The following FARS2 variants were observed in gnomAD, a reference collection of about 807,000 sequenced individuals.
The protein encoded by FARS2 is phenylalanyl-tRNA synthetase 2, mitochondrial.
In FARS2, 40 loss-of-function variants were observed where a neutral mutation model predicts 46.4. The observed-to-expected ratio is 0.86, with a 90% CI of 0.67 to 1.12. The LOEUF (loss-of-function observed/expected upper bound fraction) is 1.12, where lower values mean the gene tolerates loss of function less well. FARS2 is among the 50% of genes most tolerant of loss of function. The probability of loss-of-function intolerance (pLI) is 0.00; values close to 1 mark genes in which losing one functional copy is unlikely to be tolerated. For synonymous variants in FARS2, 234 were observed against 214.9 expected (o/e 1.09, Z -0.78); for missense variants, 513 against 567.9 (o/e 0.90, Z 0.98).
intron 6 of FARS2, among the ~76,000 whole-genome samples, chr6:5,750,174 A>C (rs1430990174): frequency 2.0e-5 from 3 of 152,148 alleles, no homozygotes; most frequent in African/African-American, 7.2e-5. Context: ...TGCCAGGGGA[A>C]TACCTAGAAG....
At chr6:5,427,732 T>C (rs1762930936) in intron 3 of FARS2, among the ~76,000 whole-genome samples, 1 of 152,202 alleles carries the variant, frequency 6.6e-6, no homozygotes, top group South Asian at 2.1e-4. Flanking sequence ...GTTTTCACTG[T>C]GGAGCAGTTA....
At chr6:5,619,003 G>A (rs976612707) in intron 6 of FARS2, among the ~76,000 whole-genome samples, 3 of 152,226 alleles carry the variant, frequency 2.0e-5, no homozygotes, top group Non-Finnish European at 4.4e-5. Flanking sequence ...TGCACCTTAA[G>A]GAATTATGGT....
intron 1 of FARS2, among the ~76,000 whole-genome samples, chr6:5,312,860 G>C (rs1199586314): frequency 2.0e-5 from 3 of 152,194 alleles, no homozygotes; most frequent in Non-Finnish European, 4.4e-5. Flanking sequence ...GACTTGTGGT[G>C]ACGGTGGACA....
chr6:5,432,388 AC>A (rs1763256553), intron 4 of FARS2, among the ~76,000 whole-genome samples: 1 of 128,390 alleles, frequency 7.8e-6, no homozygotes, highest in Non-Finnish European at 1.6e-5. Context: ...TATATATTAT[AC>A]ATTATATATA....
chr6:5,350,117 G>A (rs811611), intron 1 of FARS2, among the ~76,000 whole-genome samples: 26,101 of 149,908 alleles, frequency 0.17, 3,787 homozygotes, highest in African/African-American at 0.4. Context: ...TTGTTCGTTC[G>A]TTCTTTCTTT....
At chr6:5,296,127 G>A (rs565763978) in intron 1 of FARS2, among the ~76,000 whole-genome samples, 4 of 120,506 alleles carry the variant, frequency 3.3e-5, no homozygotes, top group African/African-American at 1.3e-4. Flanking sequence ...TATCATTTTG[G>A]CCTTTTTTTT....
chr6:5,276,261 A>G (rs1227976379), intron 1 of FARS2, among the ~76,000 whole-genome samples: 1 of 152,192 alleles, frequency 6.6e-6, no homozygotes. Context: ...AATGCTGTAT[A>G]TATGTGATAG....
chr6:5,563,529 G>A (rs1772137704), intron 5 of FARS2, among the ~76,000 whole-genome samples: 1 of 152,148 alleles, frequency 6.6e-6, no homozygotes, highest in East Asian at 1.9e-4. Context: ...TTCCCCCTGT[G>A]GAGATGCCAC....
At chr6:5,750,958 A>C (rs1761911242) in intron 6 of FARS2, among the ~76,000 whole-genome samples, 1 of 152,074 alleles carries the variant, frequency 6.6e-6, no homozygotes, top group South Asian at 2.1e-4. Context: ...CTCAACCTAG[A>C]ACTTGATGCT....
chr6:5,562,589 C>G lies in FARS2; in HGVS notation c.1065+17249C>G, dbSNP rs191112229. On this transcript the variant is annotated intron_variant, in intron 5 of 6. Transcript: ENST00000274680. ...TGTGTTTGTTACATCTGCCTTTTCC[C>G]TGCCCTGACATTTATTGGCACAGCC... 1.1e-4 allele frequency among the ~76,000 whole-genome samples: 16 copies of G among 152,086 alleles called. No individual in the cohort carries two copies. The East Asian group carries it at 2.9e-3, about 28-fold the overall frequency.
At chr6:5,543,833 C>G (rs1236382030) in intron 4 of FARS2, among the ~76,000 whole-genome samples, 1 of 151,774 alleles carries the variant, frequency 6.6e-6, no homozygotes, top group Non-Finnish European at 1.5e-5. Context: ...CTGGAATTTC[C>G]TATCACTTTT....
intron 6 of FARS2, among the ~76,000 whole-genome samples, chr6:5,670,966 T>TAAAAA (rs1263449860): frequency 3.8e-4 from 58 of 152,368 alleles, no homozygotes; most frequent in Non-Finnish European, 6.3e-4. Flanking sequence ...GTGCAGTCTA[T>TAAAAA]GCCTGACTGT....
At chr6:5,654,615 G>A (rs1777521410) in intron 6 of FARS2, among the ~76,000 whole-genome samples, 1 of 152,126 alleles carries the variant, frequency 6.6e-6, no homozygotes, top group Admixed American at 6.5e-5. Context: ...GCCTTGGGAA[G>A]ACTGTGTTAG....
chr6:5,701,250 G>A (rs1240360356), intron 6 of FARS2, among the ~76,000 whole-genome samples: 1 of 152,228 alleles, frequency 6.6e-6, no homozygotes, highest in Non-Finnish European at 1.5e-5. Context: ...TTAGGGCCCC[G>A]TGTGCACATC....
rs776288514 is a variant in FARS2 at position 5,369,064 on chromosome 6, A to C, written c.494A>C (p.His165Pro). ...TCTGCACACCAGTGGGACTTGCTGC[A>C]CGCGGGACTGGATGCCTTCCTGGTG... The part of the protein sequence containing the change: ...HTSAHQWDLL[H>P]AGLDAFLVVG... The change falls in exon 2 of 7, where the codon CAC becomes CCC. Residue 165 changes from histidine (H) to proline (P), a missense_variant. His to Pro is a moderately conservative substitution (Grantham distance 77, BLOSUM62 -2). Transcript: ENST00000274680. The C allele has an allele frequency of 1.2e-6, 2 of 1,614,086 alleles. No homozygotes were observed. Among genetic ancestry groups the C allele is most frequent in the South Asian group, 1.1e-5 (1 of 91,074 alleles).
intron 1 of FARS2, among the ~76,000 whole-genome samples, chr6:5,368,105 G>A (rs898290051): frequency 1.3e-5 from 2 of 152,064 alleles, no homozygotes; most frequent in Admixed American, 1.3e-4. Context: ...ACTCTCCTTC[G>A]GAAGCCTCTG....
intron 5 of FARS2, among the ~76,000 whole-genome samples, chr6:5,597,642 T>G (rs1327803701): frequency 6.6e-6 from 1 of 152,242 alleles, no homozygotes; most frequent in African/African-American, 2.4e-5. Flanking sequence ...GTAGGCTTTG[T>G]TGGACTCATT....
At chr6:5,609,511 C>T (rs1775052776) in intron 5 of FARS2, 5 of 1,218,774 alleles carry the variant, frequency 4.1e-6, no homozygotes, top group African/African-American at 1.5e-5. Context: ...CCACCAAAGC[C>T]ACCATGACCA....
At chr6:5,425,518 C>T (rs1303562071) in intron 3 of FARS2, among the ~76,000 whole-genome samples, 1 of 152,128 alleles carries the variant, frequency 6.6e-6, no homozygotes, top group Admixed American at 6.5e-5. Context: ...CAAACACACA[C>T]ACACACACAC....
Sources: gnomAD v4.1 joint callset for allele counts (sites outside exome capture counted in the v4.1 genomes callset) on GRCh38, gnomAD v4.1.1 for gene constraint, MANE v1.5 for transcripts, NCBI Gene and HGNC (gene_info 2026-07-23, HGNC 2026-07-21) for gene names.